The following TANGO6 variants were observed in gnomAD, a reference collection of about 807,000 sequenced individuals.
TANGO6 encodes transport and golgi organization 6 homolog, also known as transport and Golgi organization protein 6 homolog.
In TANGO6, 90 loss-of-function variants were observed where a neutral mutation model predicts 114.2. The ratio of observed to expected loss-of-function variants is 0.79; its 90% CI spans 0.66 to 0.94. The LOEUF is 0.94. Among genes scored for constraint, TANGO6 ranks in the 40% least tolerant of loss-of-function variants. The pLI, the probability that TANGO6 is intolerant of heterozygous loss-of-function variation, is 0.00. For synonymous variants in TANGO6, 477 were observed against 509.8 expected (o/e 0.94, Z 0.87); for missense variants, 1,274 against 1,315.3 (o/e 0.97, Z 0.49).
chr16:69,081,164 C>A (rs965442312), intron 17 of TANGO6, among the ~76,000 whole-genome samples: 5 of 151,948 alleles, frequency 3.3e-5, no homozygotes, highest in Admixed American at 6.6e-5. Context: ...GTAAAAATAA[C>A]CTTCCTCTAT....
chr16:69,068,824 C>G (rs1960255899), intron 17 of TANGO6, among the ~76,000 whole-genome samples: 1 of 152,224 alleles, frequency 6.6e-6, no homozygotes, highest in Admixed American at 6.5e-5. Context: ...AGCAATTCTT[C>G]TGCCTCAGCC....
At chr16:68,916,395 A>G (rs1963005953) in intron 11 of TANGO6, among the ~76,000 whole-genome samples, 1 of 152,212 alleles carries the variant, frequency 6.6e-6, no homozygotes, top group Admixed American at 6.5e-5. Flanking sequence ...TGAGAATCTA[A>G]CTAACACCTG....
intron 15 of TANGO6, among the ~76,000 whole-genome samples, chr16:68,992,645 T>C (rs2152218591): frequency 6.6e-6 from 1 of 152,316 alleles, no homozygotes; most frequent in East Asian, 1.9e-4. Context: ...TCCAAGTACA[T>C]GTATTTGTTT....
chr16:68,874,772 A>C (rs1212028088), intron 4 of TANGO6, among the ~76,000 whole-genome samples: 1 of 151,958 alleles, frequency 6.6e-6, no homozygotes, highest in Non-Finnish European at 1.5e-5. Context: ...ACATGGCAAA[A>C]CCCTGTCTCT....
At chr16:68,877,047 A>G (rs1280466500) in intron 5 of TANGO6, among the ~76,000 whole-genome samples, 2 of 152,234 alleles carry the variant, frequency 1.3e-5, no homozygotes, top group Non-Finnish European at 2.9e-5. Flanking sequence ...AATTCCTAGA[A>G]TTGAAATTAT....
intron 7 of TANGO6, among the ~76,000 whole-genome samples, chr16:68,891,700 T>G (rs1041338027): frequency 6.6e-6 from 1 of 152,196 alleles, no homozygotes; most frequent in East Asian, 1.9e-4. Context: ...TTGCTCAGTC[T>G]GCTCTCCCTT....
intron 17 of TANGO6, among the ~76,000 whole-genome samples, chr16:69,069,856 G>A (rs976280118): frequency 7.2e-5 from 11 of 152,002 alleles, no homozygotes; most frequent in Admixed American, 4.6e-4. Context: ...TGGATCTCGC[G>A]CAAGAAAGAA....
At chr16:68,897,977 A>G (rs922748574) in intron 7 of TANGO6, among the ~76,000 whole-genome samples, 2 of 152,170 alleles carry the variant, frequency 1.3e-5, no homozygotes, top group Non-Finnish European at 2.9e-5. Context: ...TCAAGCCAGT[A>G]AATAATGAAG....
At chr16:68,913,682 T>TA (rs1962960062) in intron 11 of TANGO6, among the ~76,000 whole-genome samples, 1 of 151,778 alleles carries the variant, frequency 6.6e-6, no homozygotes, top group East Asian at 1.9e-4. Flanking sequence ...GTGCTGGGAT[T>TA]AGAGACGTAA....
At chr16:68,971,037 C>A (rs1309120567) in intron 14 of TANGO6, among the ~76,000 whole-genome samples, 1 of 151,868 alleles carries the variant, frequency 6.6e-6, no homozygotes, top group Non-Finnish European at 1.5e-5. Context: ...CCTGTAATCC[C>A]AGCTACCTGG....
chr16:69,043,981 T>C (rs1959812550), intron 17 of TANGO6, among the ~76,000 whole-genome samples: 1 of 152,204 alleles, frequency 6.6e-6, no homozygotes, highest in South Asian at 2.1e-4. Flanking sequence ...CCCTAACTCA[T>C]GAGGCAGTTT....
At chr16:68,908,543 G>A (rs1181045266) in intron 10 of TANGO6, among the ~76,000 whole-genome samples, 1 of 152,164 alleles carries the variant, frequency 6.6e-6, no homozygotes, top group Admixed American at 6.6e-5. Context: ...AGCCTGGCAT[G>A]GTGGCTTGTG....
intron 15 of TANGO6, among the ~76,000 whole-genome samples, chr16:69,000,866 A>G (rs529777130): frequency 5.9e-5 from 9 of 152,200 alleles, no homozygotes; most frequent in Non-Finnish European, 1.3e-4. Context: ...TGCTGGGATT[A>G]CAGGCATGAG....
At chr16:68,997,594 G>A (rs1964003547) in intron 15 of TANGO6, among the ~76,000 whole-genome samples, 1 of 152,148 alleles carries the variant, frequency 6.6e-6, no homozygotes, top group Non-Finnish European at 1.5e-5. Context: ...TTTCTTTTTG[G>A]TGGGTTTTAG....
At chr16:68,922,484 G>A (rs927631384) in intron 12 of TANGO6, among the ~76,000 whole-genome samples, 6 of 151,634 alleles carry the variant, frequency 4.0e-5, no homozygotes, top group African/African-American at 7.3e-5. Flanking sequence ...TGCGGTGAGC[G>A]GAGACCATGC....
intron 16 of TANGO6, among the ~76,000 whole-genome samples, chr16:69,029,527 C>T (rs1310422976): frequency 2.0e-5 from 3 of 151,466 alleles, no homozygotes; most frequent in Non-Finnish European, 4.4e-5. Context: ...AGAGAGTAGA[C>T]AGATAATAAA....
chr16:68,875,729 A>G (rs905587816), intron 5 of TANGO6, among the ~76,000 whole-genome samples: 19 of 151,534 alleles, frequency 1.3e-4, no homozygotes, highest in Admixed American at 2.0e-4. Flanking sequence ...AGATTGAGCC[A>G]TTACACTCCA....
At chr16:68,978,187 G>A (rs1041104931) in intron 15 of TANGO6, among the ~76,000 whole-genome samples, 5 of 152,064 alleles carry the variant, frequency 3.3e-5, no homozygotes, top group Non-Finnish European at 7.4e-5. Flanking sequence ...CAACATCAAC[G>A]TAACATGTAT....
At chr16:69,000,911 T>A (rs1964035942) in intron 15 of TANGO6, among the ~76,000 whole-genome samples, 1 of 152,148 alleles carries the variant, frequency 6.6e-6, no homozygotes, top group African/African-American at 2.4e-5. Flanking sequence ...TTAATTTTAG[T>A]CAACTTGCTC....
Sources: allele counts gnomAD v4.1 joint callset (sites outside exome capture counted in the v4.1 genomes callset), GRCh38; gene constraint gnomAD v4.1.1; transcripts MANE v1.5; gene names NCBI Gene and HGNC (gene_info 2026-07-23, HGNC 2026-07-21).